The following GALNT14 variants were observed in gnomAD, a reference collection of about 807,000 sequenced individuals.
GALNT14 encodes polypeptide N-acetylgalactosaminyltransferase 14, also known as UDP-GalNAc:polypeptide N-acetylgalactosaminyltransferase 14.
In GALNT14, 60 loss-of-function variants were observed where a neutral mutation model predicts 77.5. The observed-to-expected ratio is 0.77, with a 90% CI of 0.63 to 0.96. The LOEUF (loss-of-function observed/expected upper bound fraction) is 0.96. Ranked by LOEUF, GALNT14 falls within the 40% of genes least tolerant of loss-of-function variation. The pLI is 0.00. For synonymous variants in GALNT14, 280 were observed against 281.7 expected (o/e 0.99, Z 0.06); for missense variants, 710 against 731.0 (o/e 0.97, Z 0.33).
At chr2:31,128,885 C>G (rs1463413460) in intron 1 of GALNT14, among the ~76,000 whole-genome samples, 1 of 152,090 alleles carries the variant, frequency 6.6e-6, no homozygotes, top group East Asian at 1.9e-4. Flanking sequence ...CCTCCAGACC[C>G]TCTGGTGGCC....
chr2:30,896,433 C>T, the GALNT14 span, among the ~76,000 whole-genome samples: 1 of 152,190 alleles, frequency 6.6e-6, no homozygotes, highest in Non-Finnish European at 1.5e-5. Flanking sequence ...TTGAATTTCA[C>T]CTCTACTACA....
Position 30,929,319 on chromosome 2 carries a change from G to A in GALNT14, c.1151+76C>T, listed in dbSNP as rs180846571. The A allele has an allele frequency of 2.0e-4, 233 of 1,136,756 alleles. 2 individuals are homozygous for A. The African/African-American group carries it at 2.6e-3, about 13-fold the overall frequency. The allele number at this position is 1,136,756 out of a possible 1,614,324, so 70.4% of individuals were successfully genotyped here. A position where few individuals can be genotyped will look rare whatever the true frequency, so the allele number is the denominator to read the frequency against. ...GGGTAGCTAAGCTGACTGGCCTATC[G>A]GCACCCATTTGCATCGGTCCTAGGA... is the stretch of plus-strand genomic sequence containing the variant. On this transcript the variant is annotated intron_variant, in intron 11 of 14. Coordinates refer to ENST00000349752, the MANE Select transcript of GALNT14 (RefSeq NM_024572.4).
At chr2:30,952,321 TGCG>T (rs1266183974) in intron 6 of GALNT14, among the ~76,000 whole-genome samples, 2 of 152,056 alleles carry the variant, frequency 1.3e-5, no homozygotes, top group East Asian at 3.9e-4. Context: ...GTATGTTTAT[TGCG>T]GCATTATTCA....
chr2:30,980,456 C>T (rs1162023154), intron 2 of GALNT14, among the ~76,000 whole-genome samples: 1 of 152,204 alleles, frequency 6.6e-6, no homozygotes, highest in Non-Finnish European at 1.5e-5. Flanking sequence ...AAACAGTCAC[C>T]AAGTGCTTAC....
chr2:30,955,020 T>C (rs968584913), intron 6 of GALNT14, among the ~76,000 whole-genome samples: 11 of 152,218 alleles, frequency 7.2e-5, no homozygotes, highest in African/African-American at 2.4e-4. Flanking sequence ...CTTCAGGGAA[T>C]ATAAAATAAT....
intron 2 of GALNT14, among the ~76,000 whole-genome samples, chr2:30,969,848 T>G (rs1221166480): frequency 6.6e-6 from 1 of 152,194 alleles, no homozygotes; most frequent in Non-Finnish European, 1.5e-5. Context: ...CTAAATGCTC[T>G]CACAGCATCA....
At chr2:31,029,465 A>C (rs1191495330) in intron 1 of GALNT14, among the ~76,000 whole-genome samples, 1 of 152,198 alleles carries the variant, frequency 6.6e-6, no homozygotes, top group African/African-American at 2.4e-5. Context: ...AGACTGACTT[A>C]TTTTATTTGT....
chr2:31,109,307 A>G (rs1677720801), intron 1 of GALNT14, among the ~76,000 whole-genome samples: 1 of 152,234 alleles, frequency 6.6e-6, no homozygotes, highest in Non-Finnish European at 1.5e-5. Flanking sequence ...TGCCTATGTA[A>G]CATTTCTCTG....
chr2:31,010,594 A>G (rs946364266), intron 1 of GALNT14, among the ~76,000 whole-genome samples: 3 of 152,146 alleles, frequency 2.0e-5, no homozygotes, highest in East Asian at 1.9e-4. Flanking sequence ...CAGCCTGGGC[A>G]ACAGAGAGAG....
chr2:31,102,100 T>C (rs562469035), intron 1 of GALNT14, among the ~76,000 whole-genome samples: 3 of 152,174 alleles, frequency 2.0e-5, no homozygotes, highest in African/African-American at 7.2e-5. Context: ...ACTAGCAGCA[T>C]GAAAATGGAC....
At chr2:31,050,782 T>TG (rs1036890540) in intron 1 of GALNT14, among the ~76,000 whole-genome samples, 38 of 151,942 alleles carry the variant, frequency 2.5e-4, no homozygotes, top group Admixed American at 2.2e-3. Context: ...TTGTTTTTTT[T>TG]TTTTTTTCAA....
intron 2 of GALNT14, among the ~76,000 whole-genome samples, chr2:30,968,756 G>A (rs1668163791): frequency 6.6e-6 from 1 of 152,314 alleles, no homozygotes; most frequent in African/African-American, 2.4e-5. Context: ...GATGATTCTT[G>A]TTGTTTTACA....
the GALNT14 span, among the ~76,000 whole-genome samples, chr2:30,896,254 C>T: frequency 4.6e-5 from 7 of 152,216 alleles, no homozygotes; most frequent in Admixed American, 4.6e-4. Flanking sequence ...TGTAGAACTA[C>T]TCAGTTTTAA....
chr2:31,035,115 T>C (rs1449752019), intron 1 of GALNT14, among the ~76,000 whole-genome samples: 1 of 152,238 alleles, frequency 6.6e-6, no homozygotes, highest in Non-Finnish European at 1.5e-5. Context: ...CAAGTTAGTT[T>C]GCGGTGTTGT....
chr2:31,035,794 C>T lies in GALNT14; in HGVS notation c.130-42787G>A, dbSNP rs537167570. The stretch of plus-strand genomic sequence containing the variant: ...AATACTTTATGTTCTCTCTTATAAG[C>T]GGGAGCTAAATGATGAGAACACATG... On this transcript the variant is annotated intron_variant, in intron 1 of 14. Coordinates refer to ENST00000349752, the MANE Select transcript of GALNT14 (RefSeq NM_024572.4). Among the ~76,000 whole-genome samples the T allele has an allele frequency of 8.9e-4, 135 of 151,876 alleles. No homozygotes were observed. The Middle Eastern group carries it at 0.024, about 27-fold the overall frequency.
At chr2:30,970,608 A>G (rs1324065902) in intron 2 of GALNT14, among the ~76,000 whole-genome samples, 6 of 151,864 alleles carry the variant, frequency 4.0e-5, no homozygotes, top group Admixed American at 3.9e-4. Flanking sequence ...AACCTCCTAA[A>G]CTGGGCCCAC....
chr2:31,010,483 T>C (rs764762972), intron 1 of GALNT14, among the ~76,000 whole-genome samples: 11 of 152,206 alleles, frequency 7.2e-5, no homozygotes, highest in East Asian at 5.8e-4. Context: ...GGCGGGGTGG[T>C]GAGCACCTGT....
intron 1 of GALNT14, among the ~76,000 whole-genome samples, chr2:31,106,118 T>C (rs1369736345): frequency 6.6e-6 from 1 of 152,168 alleles, no homozygotes. Context: ...ATTCCCTATC[T>C]TTCGTGTCTA....
chr2:31,053,472 C>A (rs1303559010), intron 1 of GALNT14, among the ~76,000 whole-genome samples: 1 of 147,032 alleles, frequency 6.8e-6, no homozygotes, highest in Admixed American at 6.8e-5. Context: ...TCCCGTCCTA[C>A]ACAGCTCCAA....
Sources: gnomAD v4.1 joint callset for allele counts (sites outside exome capture counted in the v4.1 genomes callset) on GRCh38, gnomAD v4.1.1 for gene constraint, MANE v1.5 for transcripts, NCBI Gene and HGNC (gene_info 2026-07-23, HGNC 2026-07-21) for gene names.